The following ARHGAP42 variants were observed in gnomAD, a reference collection of about 807,000 sequenced individuals.
ARHGAP42 encodes the protein Rho GTPase activating protein 42.
A neutral mutation model predicts 125.0 loss-of-function variants in ARHGAP42; 63 were observed. The ratio of observed to expected loss-of-function variants is 0.50; its 90% CI spans 0.41 to 0.62. The LOEUF is 0.62. ARHGAP42 is among the 20% of genes least tolerant of loss of function. ARHGAP42 has a pLI of 0.00. For missense variants in ARHGAP42, 766 were observed against 1,024.2 expected (o/e 0.75, Z 3.44); for synonymous variants, 339 against 351.0 (o/e 0.97, Z 0.38).
intron 5 of ARHGAP42, among the ~76,000 whole-genome samples, chr11:100,921,003 A>T (rs1028456335): frequency 7.3e-5 from 11 of 151,342 alleles, no homozygotes; most frequent in Non-Finnish European, 1.6e-4. Context: ...GTGTGTTCAT[A>T]CTGCAGTCAA....
intron 1 of ARHGAP42, among the ~76,000 whole-genome samples, chr11:100,734,105 T>G (rs1338446699): frequency 6.7e-6 from 1 of 150,290 alleles, no homozygotes; most frequent in Non-Finnish European, 1.5e-5. Context: ...CAGCTAATTT[T>G]TGTATTTTTA....
chr11:100,704,997 C>CCAACAA (rs202095677), intron 1 of ARHGAP42, among the ~76,000 whole-genome samples: 25 of 111,788 alleles, frequency 2.2e-4, no homozygotes, highest in East Asian at 1.6e-3. Context: ...GAGCCAAACC[C>CCAACAA]CAACAACAAC....
intron 1 of ARHGAP42, among the ~76,000 whole-genome samples, chr11:100,693,381 G>T (rs1344929387): frequency 1.3e-5 from 2 of 152,254 alleles, no homozygotes; most frequent in African/African-American, 4.8e-5. Flanking sequence ...TTAATTTTAG[G>T]AACTAGTAGA....
At chr11:100,696,536 G>C (rs1200492543) in intron 1 of ARHGAP42, among the ~76,000 whole-genome samples, 2 of 151,942 alleles carry the variant, frequency 1.3e-5, no homozygotes, top group Non-Finnish European at 1.5e-5. Context: ...TGTCTTTTTA[G>C]TAGAGATGGG....
intron 1 of ARHGAP42, among the ~76,000 whole-genome samples, chr11:100,691,109 T>C (rs1411999922): frequency 6.6e-6 from 1 of 152,216 alleles, no homozygotes; most frequent in East Asian, 1.9e-4. Context: ...TTTGCTCATT[T>C]TGTTATATGC....
chr11:100,761,329 A>G (rs990539858), intron 1 of ARHGAP42, among the ~76,000 whole-genome samples: 1 of 152,206 alleles, frequency 6.6e-6, no homozygotes, highest in African/African-American at 2.4e-5. Flanking sequence ...AGAAATCTCA[A>G]GAGAGGTGGC....
intron 3 of ARHGAP42, chr11:100,859,294 T>A: frequency 2.9e-6 from 1 of 345,028 alleles, no homozygotes; most frequent in Non-Finnish European, 5.2e-6. Context: ...AAGAAGAAAT[T>A]TAAGTATTCA....
rs1867949706 is a variant in ARHGAP42 at position 100,943,913 on chromosome 11, G to A, written c.1043+45G>A. The A allele has an allele frequency of 6.3e-6, 8 of 1,264,460 alleles. No homozygotes were observed. The South Asian group carries it at 1.0e-4, about 16-fold the overall frequency. The allele number at this position is 1,264,460 out of a possible 1,614,324, so 78.3% of individuals were successfully genotyped here. On this transcript the variant is annotated intron_variant, in intron 10 of 23. Coordinates refer to ENST00000298815, the MANE Select transcript of ARHGAP42 (RefSeq NM_152432.4). ...CTTTATTTTTTTCATAAGCTAAACG[G>A]TGTCTCTTTCTGTATTTAAATATAA... is the stretch of plus-strand genomic sequence containing the variant.
At chr11:100,690,189 C>T (rs956128490) in intron 1 of ARHGAP42, among the ~76,000 whole-genome samples, 7 of 152,124 alleles carry the variant, frequency 4.6e-5, no homozygotes, top group African/African-American at 1.4e-4. Context: ...GAGGACTTCA[C>T]CTTCCCTAAC....
intron 10 of ARHGAP42, among the ~76,000 whole-genome samples, chr11:100,944,359 G>A (rs905689129): frequency 1.3e-5 from 2 of 152,078 alleles, no homozygotes; most frequent in African/African-American, 4.8e-5. Context: ...TATTGGAAGA[G>A]ATATAAATGT....
At chr11:100,813,339 G>T (rs187618716) in intron 3 of ARHGAP42, among the ~76,000 whole-genome samples, 1 of 152,100 alleles carries the variant, frequency 6.6e-6, no homozygotes, top group Non-Finnish European at 1.5e-5. Flanking sequence ...GTCCCTCAGG[G>T]GTCAAAGTCA....
At chr11:100,717,636 CAA>C (rs60024751) in intron 1 of ARHGAP42, among the ~76,000 whole-genome samples, 8 of 69,094 alleles carry the variant, frequency 1.2e-4, no homozygotes, top group African/African-American at 5.7e-5. Context: ...GACTCCGTCT[CAA>C]AAAAAAAAAA....
intron 3 of ARHGAP42, among the ~76,000 whole-genome samples, chr11:100,859,037 C>A (rs1484463621): frequency 6.6e-6 from 1 of 151,976 alleles, no homozygotes; most frequent in Non-Finnish European, 1.5e-5. Flanking sequence ...CTATTTTAGT[C>A]AGGTTGGAAA....
intron 4 of ARHGAP42, among the ~76,000 whole-genome samples, chr11:100,875,139 G>C (rs188409673): frequency 0.074 from 10,612 of 143,502 alleles, 545 homozygotes; most frequent in East Asian, 0.25. Context: ...GTGTGTGTGT[G>C]TGTGTGTGTG....
At chr11:100,864,422 T>C (rs1865520063) in intron 4 of ARHGAP42, among the ~76,000 whole-genome samples, 1 of 152,070 alleles carries the variant, frequency 6.6e-6, no homozygotes, top group Admixed American at 6.5e-5. Flanking sequence ...CCTCAAGTGA[T>C]CCGCCCGCCT....
chr11:100,858,762 A>G lies in ARHGAP42; in HGVS notation c.313-792A>G, dbSNP rs187702138. On this transcript the variant is annotated intron_variant, in intron 3 of 23. Coordinates refer to ENST00000298815, the MANE Select transcript of ARHGAP42 (RefSeq NM_152432.4). ...TATGTTCAGTTGTCATAGTGGTAGAACAAATTACAAATTTTGTAAACTGGG... is the reference window on the plus strand; with the variant it reads ...TATGTTCAGTTGTCATAGTGGTAGAGCAAATTACAAATTTTGTAAACTGGG... 6.6e-3 allele frequency among the ~76,000 whole-genome samples: 1,001 copies of G among 152,212 alleles called. 6 individuals are homozygous for G. Among genetic ancestry groups the G allele is most frequent in the Non-Finnish European group, 7.6e-3 (514 of 67,976 alleles).
chr11:100,727,976 T>C (rs1460123134), intron 1 of ARHGAP42, among the ~76,000 whole-genome samples: 1 of 151,954 alleles, frequency 6.6e-6, no homozygotes, highest in African/African-American at 2.4e-5. Context: ...AACTGTGGGG[T>C]CTGTGCTAAA....
chr11:100,901,029 A>G (rs1187899095), intron 4 of ARHGAP42, among the ~76,000 whole-genome samples: 1 of 152,040 alleles, frequency 6.6e-6, no homozygotes, highest in African/African-American at 2.4e-5. Flanking sequence ...CTGTGGTTTT[A>G]TCTGCCTTTG....
At chr11:100,696,508 C>T (rs891902855) in intron 1 of ARHGAP42, among the ~76,000 whole-genome samples, 3 of 151,766 alleles carry the variant, frequency 2.0e-5, no homozygotes, top group Non-Finnish European at 2.9e-5. Context: ...TGTGCACCAC[C>T]ACGCCCAGAT....
Sources: allele counts gnomAD v4.1 joint callset (sites outside exome capture counted in the v4.1 genomes callset), GRCh38; gene constraint gnomAD v4.1.1; transcripts MANE v1.5; gene names NCBI Gene and HGNC (gene_info 2026-07-23, HGNC 2026-07-21).